KCNJ15: variants seen among roughly 807,000 people sequenced by gnomAD.
KCNJ15 encodes ATP-sensitive inward rectifier potassium channel 15.
In KCNJ15, 14 loss-of-function variants were observed where a neutral mutation model predicts 23.0. The observed-to-expected ratio is 0.61, with a 90% CI of 0.40 to 0.95. KCNJ15 has a LOEUF of 0.95. Ranked by LOEUF, KCNJ15 falls within the 40% of genes least tolerant of loss-of-function variation. The probability of loss-of-function intolerance (pLI) is 0.00; values close to 1 mark genes in which losing one functional copy is unlikely to be tolerated. For synonymous variants in KCNJ15, 185 were observed against 183.2 expected, an observed-to-expected ratio of 1.01 and a Z score of -0.08; for missense variants, 388 against 461.8, an observed-to-expected ratio of 0.84 and a Z score of 1.46.
At chr21:38,232,259 A>G (rs1422413704) in intron 1 of KCNJ15, among the ~76,000 whole-genome samples, 2 of 151,466 alleles carry the variant, frequency 1.3e-5, no homozygotes, top group Admixed American at 1.3e-4. Context: ...ATTCCCTTAT[A>G]ATATGTTTTA....
chr21:38,235,310 T>C (rs878879440), intron 1 of KCNJ15, among the ~76,000 whole-genome samples: 5 of 152,158 alleles, frequency 3.3e-5, no homozygotes, highest in African/African-American at 1.2e-4. Context: ...TCCCAGCACT[T>C]TGGGAGGCCG....
intron 1 of KCNJ15, among the ~76,000 whole-genome samples, chr21:38,260,144 G>T (rs893820611): frequency 6.6e-5 from 10 of 151,862 alleles, no homozygotes; most frequent in Admixed American, 5.9e-4. Flanking sequence ...CTCCATTTAA[G>T]AAGTTTTATT....
chr21:38,256,967 C>G (rs1980310010), upstream of KCNJ15: 1 of 144,364 alleles, frequency 6.9e-6, no homozygotes, highest in African/African-American at 2.5e-5. Flanking sequence ...CCAATGTCTC[C>G]CAATCTCTTT....
intron 1 of KCNJ15, among the ~76,000 whole-genome samples, chr21:38,241,885 C>A (rs1979023990): frequency 6.6e-6 from 1 of 150,736 alleles, no homozygotes; most frequent in Non-Finnish European, 1.5e-5. Context: ...AGGAGAATCG[C>A]TTGAACCAGG....
chr21:38,281,352 GA>G (rs1475629764), intron 1 of KCNJ15, among the ~76,000 whole-genome samples: 1 of 151,994 alleles, frequency 6.6e-6, no homozygotes, highest in Non-Finnish European at 1.5e-5. Context: ...GCATGATGCC[GA>G]GGTTTGGTGT....
intron 1 of KCNJ15, among the ~76,000 whole-genome samples, chr21:38,294,534 C>A (rs1450618548): frequency 6.6e-6 from 1 of 152,102 alleles, no homozygotes; most frequent in Non-Finnish European, 1.5e-5. Flanking sequence ...CACTGTGAAA[C>A]GCAGAATGAA....
chr21:38,236,397 C>A (rs1978603617), intron 1 of KCNJ15, among the ~76,000 whole-genome samples: 1 of 152,178 alleles, frequency 6.6e-6, no homozygotes, highest in Admixed American at 6.5e-5. Context: ...TGCACAAATA[C>A]CCTCCACCAG....
At chr21:38,292,136 G>A (rs1011953192) in intron 1 of KCNJ15, among the ~76,000 whole-genome samples, 1 of 152,204 alleles carries the variant, frequency 6.6e-6, no homozygotes, top group African/African-American at 2.4e-5. Flanking sequence ...AGCAGACAGA[G>A]CTGGTTTGCT....
intron 1 of KCNJ15, among the ~76,000 whole-genome samples, chr21:38,277,684 C>G (rs1387039904): frequency 6.6e-6 from 1 of 151,864 alleles, no homozygotes; most frequent in African/African-American, 2.4e-5. Flanking sequence ...CTTCTTAACT[C>G]AGAAGATTTC....
intron 1 of KCNJ15, among the ~76,000 whole-genome samples, chr21:38,247,352 GGAT>G: frequency 1.9e-5 from 1 of 53,578 alleles, no homozygotes; most frequent in Non-Finnish European, 4.4e-5. Context: ...ATGCATAGGT[GGAT>G]GGATGGATGG....
At position 38,299,392 on chromosome 21, in the gene KCNJ15, A is replaced by G; in HGVS notation, c.131A>G (p.Asp44Gly). 6.8e-6 allele frequency: 11 copies of G among 1,614,198 alleles called. No homozygotes were observed. The highest frequency in any genetic ancestry group is 7.6e-6 in the Non-Finnish European group (9 of 1,180,028). The change falls in exon 3 of 3, where the codon GAT becomes GGT. Residue 44 changes from aspartate (D) to glycine (G), a missense_variant. Asp to Gly is a moderately conservative substitution (Grantham distance 94, BLOSUM62 -1). Transcript: ENST00000398938. This position sits in a 1 kb window ranked among gnomAD's most constrained non-coding sequence, Gnocchi z 4.5. Reference sequence around the variant, plus strand: ...AGCAACGTGAGAATTGACAAAGTGGATGGCATATACCTACTCTACCTGCAA... The same window carrying G: ...AGCAACGTGAGAATTGACAAAGTGGGTGGCATATACCTACTCTACCTGCAA... ...GHSNVRIDKV[D>G]GIYLLYLQDL...
chr21:38,286,697 A>G (rs1446277279), intron 1 of KCNJ15, among the ~76,000 whole-genome samples: 1 of 152,226 alleles, frequency 6.6e-6, no homozygotes, highest in Non-Finnish European at 1.5e-5. Flanking sequence ...TATCTACAGC[A>G]TTTAGAAACT....
rs909573867 is a variant in KCNJ15, at chr21:38,301,659, G to A, written c.*1270G>A. 6.0e-6 allele frequency: 1 copy of A among 167,002 alleles called. No homozygotes were observed. Among genetic ancestry groups the A allele is most frequent in the Non-Finnish European group, 1.5e-5 (1 of 68,114 alleles). 10.3% of individuals were successfully genotyped at this position (167,002 alleles called of 1,614,324 possible). ...CTCATAAACAAGATGACTCTTTGAT[G>A]CATGAACAAGATTTGAAAATCTCAA... On this transcript the variant is annotated 3_prime_UTR_variant, in exon 3 of 3. Coordinates refer to ENST00000398938, the MANE Select transcript of KCNJ15 (RefSeq NM_170736.3).
chr21:38,286,625 A>G (rs1983943375), intron 1 of KCNJ15, among the ~76,000 whole-genome samples: 1 of 152,264 alleles, frequency 6.6e-6, no homozygotes, highest in Admixed American at 6.5e-5. Flanking sequence ...TACGAGGGGA[A>G]TAAATCAAGG....
chr21:38,300,660 A>G lies in KCNJ15; in HGVS notation c.*271A>G, dbSNP rs1051905473. 2 of 370,188 alleles carry G rather than the reference A, an allele frequency of 5.4e-6. No homozygotes were observed. Among genetic ancestry groups the G allele is most frequent in the African/African-American group, 2.1e-5 (1 of 47,598 alleles). The allele number at this position is 370,188 out of a possible 1,614,324, so 22.9% of individuals were successfully genotyped here. A position where few individuals can be genotyped will look rare whatever the true frequency, so the allele number is the denominator to read the frequency against. ...CATTTCTAAGAGCTTGGTGTAGGGC[A>G]ATTGGAATAATGTCCTGTTAGATAA... On this transcript the variant is annotated 3_prime_UTR_variant, in exon 3 of 3. Transcript: ENST00000398938.
rs536392865 is a variant in KCNJ15 at position 38,284,490 on chromosome 21, G to A, written c.-116-12436G>A. Among the ~76,000 whole-genome samples the A allele has an allele frequency of 5.3e-5, 8 of 152,232 alleles. No homozygotes were observed. In the East Asian group the frequency reaches 5.8e-4, roughly 11 times the overall value. ...TAGTAGCTCTCAAGCTACAAACACC[G>A]CCCTTGTCCATGCATCAGTAATTTC... On this transcript the variant is annotated intron_variant, in intron 1 of 2. Transcript: ENST00000398938.
upstream of KCNJ15, among the ~76,000 whole-genome samples, chr21:38,251,837 T>C (rs1979861643): frequency 6.6e-6 from 1 of 152,204 alleles, no homozygotes; most frequent in Non-Finnish European, 1.5e-5. Flanking sequence ...TACAAAGGAA[T>C]GACTTGGAGG....
chr21:38,254,929 A>G (rs1356780785), upstream of KCNJ15, among the ~76,000 whole-genome samples: 2 of 152,376 alleles, frequency 1.3e-5, no homozygotes, highest in South Asian at 2.1e-4. Context: ...TTCCACGGTA[A>G]CAAATCATGT....
rs1363643730 is a variant in KCNJ15, at chr21:38,299,477, C to T, written c.216C>T (p.Ala72=). The change falls in exon 3 of 3, where the codon GCC becomes GCT. Residue 72 remains alanine, a synonymous_variant. Transcript: ENST00000398938. The surrounding 1 kb of genome is among the most constrained non-coding windows in gnomAD (Gnocchi z 4.5). ...KWRYKLTLFA[A]TFVMTWFLFG... ...GATACAAACTCACCCTGTTCGCTGC[C>T]ACTTTTGTGATGACCTGGTTCCTTT... 1.2e-6 allele frequency: 2 copies of T among 1,614,196 alleles called. No homozygotes were observed. The highest frequency in any genetic ancestry group is 1.1e-5 in the South Asian group (1 of 91,090).
Sources: allele counts gnomAD v4.1 joint callset (sites outside exome capture counted in the v4.1 genomes callset), GRCh38; gene constraint gnomAD v4.1.1; non-coding constraint Gnocchi (gnomAD v3.1); transcripts MANE v1.5; gene names NCBI Gene and HGNC (gene_info 2026-07-23, HGNC 2026-07-21).